The following XKR9 variants were observed in gnomAD, a reference collection of about 807,000 sequenced individuals.
XKR9 encodes the protein XK related 9.
In XKR9, 32 loss-of-function variants were observed where a neutral mutation model predicts 32.0. The observed-to-expected ratio is 1.00, with a 90% CI of 0.76 to 1.34. The LOEUF is 1.34. Ranked by LOEUF, XKR9 falls within the 40% of genes most tolerant of loss-of-function variation. XKR9 has a pLI of 0.00. For synonymous variants in XKR9, 168 were observed against 143.4 expected (o/e 1.17, Z -1.22); for missense variants, 546 against 429.7 (o/e 1.27, Z -2.39).
At chr8:70,698,986 T>A (rs1235466774) in intron 3 of XKR9, among the ~76,000 whole-genome samples, 1 of 152,216 alleles carries the variant, frequency 6.6e-6, no homozygotes, top group Non-Finnish European at 1.5e-5. Flanking sequence ...AAGTCTCTTT[T>A]ATCAGAGACT....
At chr8:70,940,177 C>G in the XKR9 span, among the ~76,000 whole-genome samples, 970 of 152,100 alleles carry the variant, frequency 6.4e-3, 7 homozygotes, top group Non-Finnish European at 0.012. Context: ...TCCTTACCCC[C>G]ACTTCTGTCA....
the XKR9 span, among the ~76,000 whole-genome samples, chr8:71,031,273 C>T: frequency 2.9e-4 from 44 of 152,114 alleles, no homozygotes; most frequent in South Asian, 8.3e-4. Context: ...GTTCTAATTC[C>T]TTCTTCCATA....
chr8:70,944,032 G>C, the XKR9 span, among the ~76,000 whole-genome samples: 1 of 152,062 alleles, frequency 6.6e-6, no homozygotes, highest in Non-Finnish European at 1.5e-5. Context: ...AGTGTCAGAT[G>C]GTTTACAATA....
the XKR9 span, among the ~76,000 whole-genome samples, chr8:70,909,397 T>C: frequency 6.6e-6 from 1 of 152,182 alleles, no homozygotes. Flanking sequence ...AGCAATATTC[T>C]CTAGTGCCTC....
chr8:70,874,486 C>T, the XKR9 span, among the ~76,000 whole-genome samples: 19 of 152,200 alleles, frequency 1.2e-4, no homozygotes, highest in African/African-American at 4.6e-4. Context: ...TTGCTAGAGA[C>T]TCTTTGTATT....
chr8:70,897,699 C>T, the XKR9 span, among the ~76,000 whole-genome samples: 1 of 152,044 alleles, frequency 6.6e-6, no homozygotes, highest in African/African-American at 2.4e-5. Flanking sequence ...TCTATTCAGA[C>T]CTTTTACCCA....
At chr8:70,886,386 A>T in the XKR9 span, among the ~76,000 whole-genome samples, 4 of 152,200 alleles carry the variant, frequency 2.6e-5, no homozygotes, top group Non-Finnish European at 5.9e-5. Context: ...AATGATTTAT[A>T]ATCTTTGGGT....
intron 2 of XKR9, among the ~76,000 whole-genome samples, chr8:70,764,498 G>A (rs997182363): frequency 1.3e-5 from 2 of 152,116 alleles, no homozygotes; most frequent in Non-Finnish European, 2.9e-5. Flanking sequence ...ATTTCTTTCT[G>A]TCTTGTTTGG....
chr8:70,681,650 T>C (rs1385986035), intron 3 of XKR9, among the ~76,000 whole-genome samples: 1 of 152,112 alleles, frequency 6.6e-6, no homozygotes, highest in Non-Finnish European at 1.5e-5. Context: ...ATTGTGTAAA[T>C]ATGGCATTTC....
chr8:70,811,772 C>T, the XKR9 span, among the ~76,000 whole-genome samples: 1 of 152,108 alleles, frequency 6.6e-6, no homozygotes, highest in African/African-American at 2.4e-5. Flanking sequence ...AGACCAATAA[C>T]AGGATCTGAA....
the XKR9 span, among the ~76,000 whole-genome samples, chr8:71,030,242 A>T: frequency 2.6e-5 from 4 of 152,190 alleles, no homozygotes; most frequent in Non-Finnish European, 4.4e-5. Flanking sequence ...TTTTAGAGAA[A>T]GGAGAATCTT....
chr8:70,687,115 G>T (rs903604615), intron 3 of XKR9, among the ~76,000 whole-genome samples: 3 of 152,122 alleles, frequency 2.0e-5, no homozygotes, highest in Non-Finnish European at 4.4e-5. Flanking sequence ...TCCCTGCTAC[G>T]CTTCCCAGGC....
the XKR9 span, among the ~76,000 whole-genome samples, chr8:70,831,490 G>A: frequency 2.6e-5 from 4 of 152,034 alleles, no homozygotes; most frequent in Admixed American, 1.3e-4. Flanking sequence ...TCCCTTTGCA[G>A]TAACTGTATC....
chr8:70,857,994 C>T, the XKR9 span, among the ~76,000 whole-genome samples: 1 of 152,098 alleles, frequency 6.6e-6, no homozygotes, highest in South Asian at 2.1e-4. Context: ...CTAATGAAAA[C>T]CCACAGCCAA....
chr8:70,778,093 C>T (rs759494070), intron 2 of XKR9, among the ~76,000 whole-genome samples: 3 of 152,182 alleles, frequency 2.0e-5, no homozygotes, highest in Non-Finnish European at 4.4e-5. Flanking sequence ...TTAGGTCTTA[C>T]ATTTAAGTCT....
chr8:70,770,459 C>T (rs553313414), intron 2 of XKR9, among the ~76,000 whole-genome samples: 72 of 152,326 alleles, frequency 4.7e-4, no homozygotes, highest in South Asian at 4.1e-4. Context: ...AGATATGCTG[C>T]TCTCTTCAGA....
chr8:71,053,192 G>C, the XKR9 span, among the ~76,000 whole-genome samples: 2 of 152,204 alleles, frequency 1.3e-5, no homozygotes, highest in African/African-American at 4.8e-5. Context: ...TTTAGGAGTG[G>C]TTCCAACAGA....
At chr8:70,913,871 G>A in the XKR9 span, among the ~76,000 whole-genome samples, 17,433 of 151,922 alleles carry the variant, frequency 0.11, 1,189 homozygotes, top group African/African-American at 0.19. Context: ...CTTTATGCCT[G>A]GCCTCTCATA....
chr8:71,016,040 C>T, the XKR9 span, among the ~76,000 whole-genome samples: 8 of 152,122 alleles, frequency 5.3e-5, no homozygotes, highest in Non-Finnish European at 1.2e-4. Flanking sequence ...AACACAGCAT[C>T]ATGGCTGCTT....
Sources: gnomAD v4.1 joint callset for allele counts (sites outside exome capture counted in the v4.1 genomes callset) on GRCh38, gnomAD v4.1.1 for gene constraint, MANE v1.5 for transcripts, NCBI Gene and HGNC (gene_info 2026-07-23, HGNC 2026-07-21) for gene names.